SHOC2: variants seen among roughly 807,000 people sequenced by gnomAD.
SHOC2 encodes the protein SHOC2 leucine rich repeat scaffold protein.
A neutral mutation model predicts 50.2 loss-of-function variants in SHOC2; 4 were observed. The ratio of observed to expected loss-of-function variants is 0.08; its 90% CI spans 0.04 to 0.18. The LOEUF (loss-of-function observed/expected upper bound fraction) is 0.18. SHOC2 is among the 10% of genes least tolerant of loss of function. The pLI, the probability that SHOC2 is intolerant of heterozygous loss-of-function variation, is 1.00. For synonymous variants in SHOC2, 218 were observed against 244.5 expected (o/e 0.89, Z 1.01); for missense variants, 388 against 669.6 (o/e 0.58, Z 4.64).
At chr10:110,979,445 T>C (rs1847932952) in intron 2 of SHOC2, among the ~76,000 whole-genome samples, 1 of 152,244 alleles carries the variant, frequency 6.6e-6, no homozygotes, top group African/African-American at 2.4e-5. Flanking sequence ...GGGGTAATTA[T>C]ATAACGTATA....
At chr10:110,972,230 T>G (rs980679918) in intron 2 of SHOC2, among the ~76,000 whole-genome samples, 1 of 151,838 alleles carries the variant, frequency 6.6e-6, no homozygotes, top group Non-Finnish European at 1.5e-5. Context: ...CATTATAATA[T>G]TTCAGTAATA....
At chr10:111,001,904 T>G (rs1848383378) in intron 4 of SHOC2, among the ~76,000 whole-genome samples, 1 of 152,040 alleles carries the variant, frequency 6.6e-6, no homozygotes, top group South Asian at 2.1e-4. Context: ...CTGGGTGAGG[T>G]GGTGGGCACC....
At chr10:110,929,545 A>G (rs10885064) in intron 1 of SHOC2, among the ~76,000 whole-genome samples, 16,353 of 152,216 alleles carry the variant, frequency 0.11, 966 homozygotes, top group Middle Eastern at 0.16. Flanking sequence ...AACAGTATAT[A>G]TATTTCTTAC....
At position 110,919,612 on chromosome 10, in the gene SHOC2, G is replaced by GGAAGGAGGGCGAGCGA; in HGVS notation, c.-278_-263dup. 2.5e-6 allele frequency: 1 copy of GGAAGGAGGGCGAGCGA among 398,578 alleles called. No homozygotes were observed. Among genetic ancestry groups the GGAAGGAGGGCGAGCGA allele is most frequent in the Middle Eastern group, 6.3e-4 (1 of 1,590 alleles). 24.7% of individuals were successfully genotyped at this position (398,578 alleles called of 1,614,324 possible). On this transcript the variant is annotated 5_prime_UTR_variant, in exon 1 of 9. Coordinates refer to ENST00000369452, the MANE Select transcript of SHOC2 (RefSeq NM_007373.4). ...CTTCTTAGGAGGAGGAGGAAGAGGA[G>GGAAGGAGGGCGAGCGA]GAAGGAGGGCGAGCGAGGAGGATGG... is the stretch of plus-strand genomic sequence containing the variant.
At chr10:110,966,831 T>C (rs1008303181) in intron 2 of SHOC2, among the ~76,000 whole-genome samples, 15 of 152,200 alleles carry the variant, frequency 9.9e-5, no homozygotes, top group African/African-American at 3.6e-4. Flanking sequence ...GAAGTTTGTG[T>C]TTTTGTAATT....
chr10:110,956,840 C>A (rs952401784), intron 1 of SHOC2, among the ~76,000 whole-genome samples: 3 of 151,462 alleles, frequency 2.0e-5, no homozygotes, highest in Admixed American at 2.0e-4. Flanking sequence ...CAAAGTATTC[C>A]GTTTAATGTT....
intron 1 of SHOC2, among the ~76,000 whole-genome samples, chr10:110,924,266 C>A (rs1048521517): frequency 6.6e-6 from 1 of 152,094 alleles, no homozygotes; most frequent in Non-Finnish European, 1.5e-5. Context: ...ATGAACCGGA[C>A]AAGTCAATAG....
chr10:110,925,089 A>ATT (rs1564699951), intron 1 of SHOC2, among the ~76,000 whole-genome samples: 1 of 146,224 alleles, frequency 6.8e-6, no homozygotes, highest in African/African-American at 2.5e-5. Flanking sequence ...AAAAAAAAAA[A>ATT]AAATTAAAAT....
In SHOC2 at chr10:111,012,504, G is replaced by A. The variant is rs984941982; in HGVS notation, c.*686G>A. The A allele has an allele frequency of 2.0e-5, 3 of 152,070 alleles. No individual in the cohort carries two copies. The highest frequency in any genetic ancestry group is 2.1e-4 in the South Asian group (1 of 4,822). 9.4% of individuals were successfully genotyped at this position (152,070 alleles called of 1,614,324 possible). On this transcript the variant is annotated 3_prime_UTR_variant, in exon 9 of 9. Transcript: ENST00000369452. ...ATTTCTTTAATTTTGCTTCTCTGAC[G>A]AGTTGTGAAGCAAAATACCTGAAGT...
At chr10:110,990,319 T>C (rs541110948) in intron 3 of SHOC2, among the ~76,000 whole-genome samples, 1 of 152,120 alleles carries the variant, frequency 6.6e-6, no homozygotes, top group African/African-American at 2.4e-5. Context: ...GGTTTGTGAG[T>C]GCACCAATGG....
intron 1 of SHOC2, among the ~76,000 whole-genome samples, chr10:110,931,005 C>T (rs1029096568): frequency 2.0e-5 from 3 of 151,986 alleles, no homozygotes; most frequent in South Asian, 2.1e-4. Context: ...GTTCTTTGCT[C>T]TAAACTCTTG....
Position 111,013,433 on chromosome 10 carries a change from G to A in SHOC2, c.*1615G>A, listed in dbSNP as rs990164034. The stretch of plus-strand genomic sequence containing the variant: ...TTCCTGGCACTCAAATTCATGACTA[G>A]TTTTGAGGTCAAACCTATGTTCGTA... On this transcript the variant is annotated 3_prime_UTR_variant, in exon 9 of 9. Coordinates refer to ENST00000369452, the MANE Select transcript of SHOC2 (RefSeq NM_007373.4). 11 of 151,876 alleles carry A rather than the reference G, an allele frequency of 7.2e-5. No individual in the cohort carries two copies. The highest frequency in any genetic ancestry group is 1.3e-4 in the Non-Finnish European group (9 of 67,960). 9.4% of individuals were successfully genotyped at this position (151,876 alleles called of 1,614,324 possible).
chr10:111,008,231 T>C (rs958747139), intron 6 of SHOC2, among the ~76,000 whole-genome samples: 3 of 150,278 alleles, frequency 2.0e-5, no homozygotes, highest in Non-Finnish European at 4.4e-5. Context: ...ACCTCTTCAG[T>C]TAAGGATGAT....
chr10:110,990,600 C>G (rs968528417), intron 3 of SHOC2, among the ~76,000 whole-genome samples: 4 of 151,944 alleles, frequency 2.6e-5, no homozygotes, highest in Non-Finnish European at 4.4e-5. Flanking sequence ...ACAGGCCACT[C>G]GGCTCTACCA....
intron 4 of SHOC2, among the ~76,000 whole-genome samples, chr10:111,002,946 A>G (rs1268179947): frequency 6.6e-6 from 1 of 152,106 alleles, no homozygotes; most frequent in African/African-American, 2.4e-5. Flanking sequence ...AAAGAATCAC[A>G]TTTTTTGCCA....
chr10:110,972,724 C>T (rs921484881), intron 2 of SHOC2, among the ~76,000 whole-genome samples: 2 of 152,134 alleles, frequency 1.3e-5, no homozygotes, highest in African/African-American at 4.8e-5. Context: ...ACAGTCCCAG[C>T]TACTCATGAG....
At chr10:110,949,637 A>G (rs1277653247) in intron 1 of SHOC2, among the ~76,000 whole-genome samples, 2 of 152,196 alleles carry the variant, frequency 1.3e-5, no homozygotes, top group African/African-American at 4.8e-5. Flanking sequence ...AAGAAAAAAA[A>G]AATACAGGTC....
At chr10:110,959,038 T>C (rs1000549938) in intron 1 of SHOC2, among the ~76,000 whole-genome samples, 1 of 152,180 alleles carries the variant, frequency 6.6e-6, no homozygotes, top group Non-Finnish European at 1.5e-5. Flanking sequence ...AAGAAAAATA[T>C]TGTACATTTT....
intron 2 of SHOC2, among the ~76,000 whole-genome samples, chr10:110,980,433 T>C (rs1281074988): frequency 6.6e-6 from 1 of 152,102 alleles, no homozygotes; most frequent in Admixed American, 6.6e-5. Flanking sequence ...CCTGTCACTT[T>C]TTCTTCTCTC....
Sources: gnomAD v4.1 joint callset for allele counts (sites outside exome capture counted in the v4.1 genomes callset) on GRCh38, gnomAD v4.1.1 for gene constraint, MANE v1.5 for transcripts, NCBI Gene and HGNC (gene_info 2026-07-23, HGNC 2026-07-21) for gene names.